Variants in ADAMTSL1 observed in about 807,000 individuals in gnomAD.
ADAMTSL1 encodes the protein ADAMTS-like protein 1.
A neutral mutation model predicts 201.8 loss-of-function variants in ADAMTSL1; 126 were observed. The observed-to-expected ratio is 0.62, with a 90% CI of 0.54 to 0.72. ADAMTSL1 has a LOEUF of 0.72. Ranked by LOEUF, ADAMTSL1 falls within the 30% of genes least tolerant of loss-of-function variation. The pLI is 0.00. For synonymous variants in ADAMTSL1, 1,121 were observed against 903.4 expected (o/e 1.24, Z -4.32); for missense variants, 2,679 against 2,277.8 (o/e 1.18, Z -3.59).
upstream of ADAMTSL1, among the ~76,000 whole-genome samples, chr9:18,471,212 A>G (rs1459181147): frequency 6.6e-6 from 1 of 152,222 alleles, no homozygotes; most frequent in East Asian, 1.9e-4. Context: ...TCCTTTTCCT[A>G]TAAACATCCC....
intron 13 of ADAMTSL1, among the ~76,000 whole-genome samples, chr9:18,703,250 C>T (rs528892005): frequency 1.3e-4 from 20 of 152,312 alleles, no homozygotes; most frequent in African/African-American, 4.6e-4. Flanking sequence ...TCCTAACTCA[C>T]TTGCCTGCCC....
At chr9:18,154,112 C>T (rs548790145) in intron 1 of ADAMTSL1, among the ~76,000 whole-genome samples, 1 of 152,038 alleles carries the variant, frequency 6.6e-6, no homozygotes, top group South Asian at 2.1e-4. Context: ...ATATGGATAA[C>T]CTAGAAAGAA....
intron 1 of ADAMTSL1, among the ~76,000 whole-genome samples, chr9:18,486,442 A>G (rs1011366065): frequency 6.6e-6 from 1 of 152,174 alleles, no homozygotes; most frequent in African/African-American, 2.4e-5. Context: ...GGTGGCCCAC[A>G]CCTGTAGTCT....
rs567202295 is a variant in ADAMTSL1 at position 18,591,729 on chromosome 9, G to C, written c.474+17463G>C. ...AAACACATCTTTATTAACCAGAATA[G>C]GAGCCATTACAATCAGTACATTTTG... On this transcript the variant is annotated intron_variant, in intron 4 of 28. Transcript: ENST00000380548. Among the ~76,000 whole-genome samples the C allele has an allele frequency of 3.3e-5, 5 of 152,218 alleles. No homozygotes were observed. The East Asian group carries it at 9.7e-4, about 29-fold the overall frequency.
At chr9:18,528,172 C>G (rs946115066) in intron 2 of ADAMTSL1, among the ~76,000 whole-genome samples, 2 of 152,172 alleles carry the variant, frequency 1.3e-5, no homozygotes, top group African/African-American at 4.8e-5. Flanking sequence ...GCCACCACAC[C>G]TGGCCCATTT....
At chr9:18,574,597 G>GTGTGTGTGTGTGTGTGTGTGTT (rs1822587362) in intron 4 of ADAMTSL1, 1 of 189,768 alleles carries the variant, frequency 5.3e-6, no homozygotes, top group Admixed American at 8.2e-5. Flanking sequence ...GTTTGTGTTT[G>GTGTGTGTGTGTGTGTGTGTGTT]TGTGTGTGTG....
chr9:18,619,783 T>C (rs1208784979), intron 4 of ADAMTSL1, among the ~76,000 whole-genome samples: 1 of 152,112 alleles, frequency 6.6e-6, no homozygotes, highest in Non-Finnish European at 1.5e-5. Flanking sequence ...ATTCCTATAG[T>C]TTAAGGAGTA....
At chr9:18,433,499 C>T (rs1819588093) in intron 2 of ADAMTSL1, among the ~76,000 whole-genome samples, 1 of 151,910 alleles carries the variant, frequency 6.6e-6, no homozygotes, top group Admixed American at 6.6e-5. Flanking sequence ...TTTGAACTTC[C>T]CTGATGCGCT....
At chr9:18,718,500 C>T (rs1211137757) in intron 14 of ADAMTSL1, 2 of 563,102 alleles carry the variant, frequency 3.6e-6, no homozygotes, top group East Asian at 9.6e-5. Context: ...CCTCCTGGGC[C>T]AAGAATGACT....
chr9:18,899,105 G>C (rs981257766), intron 26 of ADAMTSL1, among the ~76,000 whole-genome samples: 1 of 152,098 alleles, frequency 6.6e-6, no homozygotes, highest in Non-Finnish European at 1.5e-5. Context: ...AAAGTCCCAG[G>C]ATACAAAATT....
chr9:18,722,917 C>A, intron 15 of ADAMTSL1: 1 of 717,320 alleles, frequency 1.4e-6, no homozygotes, highest in Non-Finnish European at 2.6e-6. Flanking sequence ...CCTGGTTCCA[C>A]ATTTCTGTCC....
chr9:18,871,454 G>T (rs760064116), intron 23 of ADAMTSL1, among the ~76,000 whole-genome samples: 1 of 151,560 alleles, frequency 6.6e-6, no homozygotes, highest in Non-Finnish European at 1.5e-5. Flanking sequence ...CCAGTGTTTC[G>T]TCCTGAGGAC....
At chr9:18,508,489 T>A (rs1183653042) in intron 2 of ADAMTSL1, among the ~76,000 whole-genome samples, 1 of 152,216 alleles carries the variant, frequency 6.6e-6, no homozygotes, top group Non-Finnish European at 1.5e-5. Flanking sequence ...CATGGAAGTG[T>A]AGTTGTCTTC....
chr9:18,809,750 T>C (rs920070151), intron 20 of ADAMTSL1, among the ~76,000 whole-genome samples: 3 of 151,774 alleles, frequency 2.0e-5, no homozygotes, highest in African/African-American at 7.3e-5. Flanking sequence ...GATCCCCCCA[T>C]TGCACTCCAG....
intron 1 of ADAMTSL1, among the ~76,000 whole-genome samples, chr9:18,060,843 T>G (rs1329815610): frequency 1.3e-5 from 2 of 152,336 alleles, no homozygotes; most frequent in East Asian, 3.9e-4. Context: ...ACACATTACT[T>G]ATTAACTTTT....
At chr9:18,903,881 G>T (rs1830146846) in intron 26 of ADAMTSL1, among the ~76,000 whole-genome samples, 1 of 151,490 alleles carries the variant, frequency 6.6e-6, no homozygotes, top group Non-Finnish European at 1.5e-5. Context: ...AAGTGGACCT[G>T]CCCAGTTCAA....
chr9:17,937,762 A>C (rs187270673), intron 1 of ADAMTSL1, among the ~76,000 whole-genome samples: 6 of 152,300 alleles, frequency 3.9e-5, no homozygotes, highest in East Asian at 3.9e-4. Flanking sequence ...CTCCTCTACC[A>C]ACAGCAACAA....
chr9:18,099,355 A>ATATATATATATT (rs1239180390), intron 1 of ADAMTSL1, among the ~76,000 whole-genome samples: 7 of 45,544 alleles, frequency 1.5e-4, no homozygotes, highest in Non-Finnish European at 2.9e-4. Context: ...ATATATATAT[A>ATATATATATATT]TTTTTTTTTT....
chr9:18,508,846 A>T (rs967478454), intron 2 of ADAMTSL1, among the ~76,000 whole-genome samples: 3 of 152,176 alleles, frequency 2.0e-5, no homozygotes, highest in African/African-American at 7.2e-5. Flanking sequence ...TATGGCCCTA[A>T]ATCAGTCCTT....
Sources: gnomAD v4.1 joint callset for allele counts (sites outside exome capture counted in the v4.1 genomes callset) on GRCh38, gnomAD v4.1.1 for gene constraint, MANE v1.5 for transcripts, NCBI Gene and HGNC (gene_info 2026-07-23, HGNC 2026-07-21) for gene names.